Variants in CCDC171 observed in about 807,000 individuals in gnomAD.
The protein encoded by CCDC171 is coiled-coil domain containing 171, also known as coiled-coil domain-containing protein 171.
A neutral mutation model predicts 168.2 loss-of-function variants in CCDC171; 177 were observed. The ratio of observed to expected loss-of-function variants is 1.05; its 90% confidence interval spans 0.93 to 1.19. The LOEUF is 1.19. Ranked by LOEUF, CCDC171 falls within the 50% of genes most tolerant of loss-of-function variation. The probability of loss-of-function intolerance (pLI) is 0.00; values close to 1 mark genes in which losing one functional copy is unlikely to be tolerated. For synonymous variants in CCDC171, 687 were observed against 540.8 expected (o/e 1.27, Z -3.75); for missense variants, 1,991 against 1,539.0 (o/e 1.29, Z -4.91).
chr9:15,560,246 C>T (rs556845629), intron 1 of CCDC171, among the ~76,000 whole-genome samples: 44 of 152,170 alleles, frequency 2.9e-4, no homozygotes, highest in African/African-American at 1.1e-3. Flanking sequence ...GTGGCGTTCT[C>T]TGTATTTCCT....
At chr9:15,806,284 A>G (rs1043305596) in intron 21 of CCDC171, among the ~76,000 whole-genome samples, 2 of 151,894 alleles carry the variant, frequency 1.3e-5, no homozygotes, top group African/African-American at 2.4e-5. Flanking sequence ...TAATGATGCT[A>G]GATGGTTATT....
At chr9:15,573,933 A>G (rs1201406537) in intron 3 of CCDC171, among the ~76,000 whole-genome samples, 1 of 151,972 alleles carries the variant, frequency 6.6e-6, no homozygotes, top group East Asian at 1.9e-4. Flanking sequence ...TTCTTTCATA[A>G]TATGTTTATA....
At chr9:16,030,177 A>G (rs544150386) in intron 6 of CCDC171, among the ~76,000 whole-genome samples, 4 of 152,260 alleles carry the variant, frequency 2.6e-5, no homozygotes, top group Admixed American at 6.5e-5. Context: ...TTTGGTATCA[A>G]CACATACATT....
At chr9:15,780,738 A>G (rs1488864382) in intron 20 of CCDC171, among the ~76,000 whole-genome samples, 2 of 152,146 alleles carry the variant, frequency 1.3e-5, no homozygotes, top group Admixed American at 1.3e-4. Flanking sequence ...ACATGTATGC[A>G]CTTAAAGTAC....
chr9:15,760,315 C>CT (rs149813096), intron 18 of CCDC171, among the ~76,000 whole-genome samples: 414 of 152,116 alleles, frequency 2.7e-3, no homozygotes, highest in African/African-American at 9.2e-3. Flanking sequence ...AACATTCAGT[C>CT]TTTTTAAAGA....
intron 1 of CCDC171, among the ~76,000 whole-genome samples, chr9:15,563,201 C>T (rs1468925270): frequency 6.7e-6 from 1 of 149,676 alleles, no homozygotes; most frequent in Non-Finnish European, 1.5e-5. Flanking sequence ...TGCAATGGTG[C>T]AATCTTGGCT....
chr9:15,996,648 G>A (rs1430647135), intron 3 of CCDC171, among the ~76,000 whole-genome samples: 14 of 151,924 alleles, frequency 9.2e-5, no homozygotes, highest in Admixed American at 9.2e-4. Context: ...CCAGCAGGTT[G>A]TATAACAATG....
chr9:15,632,106 G>A (rs573271715), intron 7 of CCDC171, among the ~76,000 whole-genome samples: 2 of 151,926 alleles, frequency 1.3e-5, no homozygotes, highest in East Asian at 3.9e-4. Flanking sequence ...TTTGAAAACT[G>A]GCCCAAGACA....
intron 24 of CCDC171, among the ~76,000 whole-genome samples, chr9:15,878,793 A>C (rs977675445): frequency 2.6e-5 from 4 of 152,196 alleles, no homozygotes; most frequent in African/African-American, 9.7e-5. Flanking sequence ...AATACTATAC[A>C]ACCATAAAAA....
intron 21 of CCDC171, among the ~76,000 whole-genome samples, chr9:15,839,064 T>C (rs554090174): frequency 6.6e-6 from 1 of 152,318 alleles, no homozygotes; most frequent in South Asian, 2.1e-4. Context: ...TAAAATTCTA[T>C]ACTACAATGG....
At chr9:15,750,919 T>C (rs1300796641) in intron 18 of CCDC171, among the ~76,000 whole-genome samples, 2 of 152,188 alleles carry the variant, frequency 1.3e-5, no homozygotes, top group African/African-American at 4.8e-5. Flanking sequence ...GTATTGGAAG[T>C]TCTGGCCAGG....
intron 7 of CCDC171, among the ~76,000 whole-genome samples, chr9:15,645,591 G>C (rs1424182284): frequency 6.6e-6 from 1 of 152,178 alleles, no homozygotes; most frequent in Non-Finnish European, 1.5e-5. Flanking sequence ...CGAGAACTAC[G>C]TGATGCATGC....
Position 15,702,393 on chromosome 9 carries a change from C to G in CCDC171, c.1318+7056C>G, listed in dbSNP as rs145043779. Among the ~76,000 whole-genome samples the G allele has an allele frequency of 1.3e-3, 195 of 152,070 alleles. 2 individuals are homozygous for G. Among genetic ancestry groups the G allele is most frequent in the African/African-American group, 4.6e-3 (191 of 41,520 alleles). On this transcript the variant is annotated intron_variant, in intron 11 of 25. Coordinates refer to ENST00000380701, the MANE Select transcript of CCDC171 (RefSeq NM_173550.4). ...ATGCTCATTTACCATTGAAAAAATC[C>G]TAGGGCCCTTAAGAATTATTCTATA... is the stretch of plus-strand genomic sequence containing the variant.
chr9:16,038,006 T>C (rs1833504501), upstream of CCDC171, among the ~76,000 whole-genome samples: 1 of 152,180 alleles, frequency 6.6e-6, no homozygotes, highest in Non-Finnish European at 1.5e-5. Context: ...AAGTCCACTA[T>C]AATGAAATTG....
intron 6 of CCDC171, among the ~76,000 whole-genome samples, chr9:15,596,826 A>C (rs1411352555): frequency 1.3e-5 from 2 of 152,196 alleles, no homozygotes; most frequent in African/African-American, 2.4e-5. Context: ...TTTGTTGAGC[A>C]GTGGTTTGTA....
intron 7 of CCDC171, among the ~76,000 whole-genome samples, chr9:15,645,543 A>G (rs1212157961): frequency 2.0e-5 from 3 of 152,322 alleles, no homozygotes; most frequent in Non-Finnish European, 2.9e-5. Flanking sequence ...AGTGTAGAGA[A>G]GTCCTTAAAT....
intron 10 of CCDC171, 132 bp from the exon 11 acceptor site, chr9:15,695,103 A>G (rs1247768322): frequency 1.3e-5 from 8 of 634,068 alleles, no homozygotes; most frequent in Non-Finnish European, 2.2e-5. Flanking sequence ...TTAAGAGAGA[A>G]AGATGGTTTA....
chr9:16,017,715 G>T (rs1250810350), intron 3 of CCDC171, among the ~76,000 whole-genome samples: 8 of 152,116 alleles, frequency 5.3e-5, no homozygotes, highest in Non-Finnish European at 7.4e-5. Context: ...TAATATTTTT[G>T]ATTATAACTG....
At chr9:15,710,194 G>A (rs60940884) in intron 11 of CCDC171, among the ~76,000 whole-genome samples, 4,275 of 152,152 alleles carry the variant, frequency 0.028, 199 homozygotes, top group African/African-American at 0.099. Context: ...AAAGTTTCTT[G>A]TATATCTCAT....
Sources: gnomAD v4.1 joint callset for allele counts (sites outside exome capture counted in the v4.1 genomes callset) on GRCh38, gnomAD v4.1.1 for gene constraint, MANE v1.5 for transcripts, NCBI Gene and HGNC (gene_info 2026-07-23, HGNC 2026-07-21) for gene names.